Variants in TAB1 observed in about 807,000 individuals in gnomAD.
The protein encoded by TAB1 is TGF-beta activated kinase 1 (MAP3K7) binding protein 1, also known as TGF-beta-activated kinase 1 and MAP3K7-binding protein 1.
A neutral mutation model predicts 54.5 loss-of-function variants in TAB1; 30 were observed. The observed-to-expected ratio is 0.55, with a 90% CI of 0.41 to 0.75. The LOEUF (loss-of-function observed/expected upper bound fraction) is 0.75, where lower values mean the gene tolerates loss of function less well. Among genes scored for constraint, TAB1 ranks in the 30% least tolerant of loss-of-function variants. TAB1 has a pLI of 0.00. For missense variants in TAB1, 609 were observed against 683.2 expected (o/e 0.89, Z 1.21); for synonymous variants, 289 against 286.9 (o/e 1.01, Z -0.07).
chr22:39,413,444 C>G (rs1185551097), intron 1 of TAB1, among the ~76,000 whole-genome samples: 1 of 150,530 alleles, frequency 6.6e-6, no homozygotes, highest in Non-Finnish European at 1.5e-5. Context: ...GAGACAGAAT[C>G]TCACTCTTGT....
intron 10 of TAB1, chr22:39,429,526 G>A: frequency 2.7e-6 from 1 of 373,964 alleles, no homozygotes; most frequent in Non-Finnish European, 3.7e-6. Flanking sequence ...TGCCCAGGCT[G>A]GAGTGCAATG....
At chr22:39,422,270 G>C (rs1927125457) in intron 8 of TAB1, among the ~76,000 whole-genome samples, 1 of 152,122 alleles carries the variant, frequency 6.6e-6, no homozygotes, top group Non-Finnish European at 1.5e-5. Context: ...CCAGGAAGGG[G>C]CCAGGGCCAG....
At position 39,426,600 on chromosome 22, in the gene TAB1, C is replaced by T. The variant is rs983557627; in HGVS notation, c.922-103C>T. 5 of 1,028,680 alleles carry T rather than the reference C, an allele frequency of 4.9e-6. No homozygotes were observed. The African/African-American group carries it at 8.0e-5, about 17-fold the overall frequency. The allele number at this position is 1,028,680 out of a possible 1,614,324, so 63.7% of individuals were successfully genotyped here. A position where few individuals can be genotyped will look rare whatever the true frequency, so the allele number is the denominator to read the frequency against. On this transcript the variant is annotated intron_variant, in intron 8 of 10. Coordinates refer to ENST00000216160, the MANE Select transcript of TAB1 (RefSeq NM_006116.3). Reference sequence around the variant, plus strand: ...GCAGGCATTTCCTTCACCTGCTGGGCTGTTGACCACTGAATCTCCTGATTT... The same window carrying T: ...GCAGGCATTTCCTTCACCTGCTGGGTTGTTGACCACTGAATCTCCTGATTT...
rs1438098109 is a variant in TAB1, at chr22:39,415,360, T to C, written c.171-140T>C. 4 of 1,138,156 alleles carry C rather than the reference T, an allele frequency of 3.5e-6. No individual in the cohort carries two copies. Among genetic ancestry groups the C allele is most frequent in the Non-Finnish European group, 3.7e-6 (3 of 801,722 alleles). The allele number at this position is 1,138,156 out of a possible 1,614,324, so 70.5% of individuals were successfully genotyped here. ...GAATGTCATAGCCAGAGTGAAATGA[T>C]GGCTAAAGCAGGGGGACCCAGGAGG... On this transcript the variant is annotated intron_variant, in intron 2 of 10. Coordinates refer to ENST00000216160, the MANE Select transcript of TAB1 (RefSeq NM_006116.3). The surrounding 1 kb of genome is among the most constrained non-coding windows in gnomAD (Gnocchi z 4.9).
chr22:39,432,022 T>A, downstream of TAB1: 2 of 339,134 alleles, frequency 5.9e-6, no homozygotes, highest in Non-Finnish European at 8.4e-6. Flanking sequence ...CCAGGCCTTC[T>A]GGCTGCATTC....
intron 1 of TAB1, among the ~76,000 whole-genome samples, chr22:39,408,901 G>A (rs1463794409): frequency 6.6e-6 from 1 of 152,196 alleles, no homozygotes; most frequent in African/African-American, 2.4e-5. Context: ...TTTTTAGAAA[G>A]ATTCAAGTCC....
At chr22:39,436,851 T>C, downstream of TAB1, 2 of 422,420 alleles carry the variant, frequency 4.7e-6, no homozygotes, top group South Asian at 6.6e-5. Context: ...TCTTGGAACT[T>C]GGTCTGCAGT....
intron 1 of TAB1, among the ~76,000 whole-genome samples, chr22:39,412,892 CTTTTTTTTTT>C (rs34847488): frequency 1.1e-5 from 1 of 90,464 alleles, no homozygotes; most frequent in African/African-American, 4.4e-5. Context: ...TATCCTGCAA[CTTTTTTTTTT>C]TTTTTTTTTT....
At position 39,415,969 on chromosome 22, in the gene TAB1, C is replaced by T. The variant is rs1015109349; in HGVS notation, c.324+316C>T. ...AGAAATGGGGTCATTTAGAGCTACC[C>T]CTTTCTTTCCTATGTGGTCAGGTGC... On this transcript the variant is annotated intron_variant, in intron 3 of 10. Coordinates refer to ENST00000216160, the MANE Select transcript of TAB1 (RefSeq NM_006116.3). This position sits in a 1 kb window ranked among gnomAD's most constrained non-coding sequence, Gnocchi z 4.9. 8.5e-5 allele frequency among the ~76,000 whole-genome samples: 13 copies of T among 152,268 alleles called. No homozygotes were observed. Among genetic ancestry groups the T allele is most frequent in the Admixed American group, 8.5e-4 (13 of 15,292 alleles).
At chr22:39,414,117 T>G (rs564051948) in intron 1 of TAB1, among the ~76,000 whole-genome samples, 15 of 152,202 alleles carry the variant, frequency 9.9e-5, no homozygotes, top group Admixed American at 5.2e-4. Context: ...GATGCTGGAA[T>G]CAGGGTGCCG....
chr22:39,431,280 C>G lies in TAB1; in HGVS notation c.*1058C>G. 1.0e-6 allele frequency: 1 copy of G among 985,638 alleles called. No homozygotes were observed. The highest frequency in any genetic ancestry group is 1.2e-6 in the Non-Finnish European group (1 of 830,092). 61.1% of individuals were successfully genotyped at this position (985,638 alleles called of 1,614,324 possible). A position where few individuals can be genotyped will look rare whatever the true frequency, so the allele number is the denominator to read the frequency against. On this transcript the variant is annotated 3_prime_UTR_variant, in exon 11 of 11. Transcript: ENST00000216160. ...AGACTATTTCCCACATGTTCTCTGC[C>G]TTCAGTGGGGAGGGGGTGCCACCAG...
At chr22:39,404,098 G>A (rs1016069605) in intron 1 of TAB1, among the ~76,000 whole-genome samples, 1 of 152,210 alleles carries the variant, frequency 6.6e-6, no homozygotes, top group Non-Finnish European at 1.5e-5. Flanking sequence ...TTTGGAGGAA[G>A]AGCTCATGTG....
At chr22:39,428,576 G>A (rs1310680610) in intron 10 of TAB1, among the ~76,000 whole-genome samples, 3 of 152,174 alleles carry the variant, frequency 2.0e-5, no homozygotes, top group Non-Finnish European at 4.4e-5. Context: ...TAGCTTTGAA[G>A]TGAGTTCTCT....
chr22:39,417,666 G>T, intron 4 of TAB1, 45 bp from the exon 5 acceptor site: 1 of 1,521,554 alleles, frequency 6.6e-7, no homozygotes, highest in Non-Finnish European at 8.8e-7. Context: ...CTAGGAAGAT[G>T]GTCCAGAGTT....
intron 7 of TAB1, chr22:39,421,605 C>T: frequency 3.5e-6 from 2 of 571,868 alleles, no homozygotes; most frequent in Admixed American, 6.4e-5. Flanking sequence ...ATCCTGACCT[C>T]AGCTGCCTGC....
At position 39,415,226 on chromosome 22, in the gene TAB1, C is replaced by T. The variant is rs1321919527; in HGVS notation, c.170+84C>T. The T allele has an allele frequency of 4.7e-6, 7 of 1,481,754 alleles. No individual in the cohort carries two copies. Among genetic ancestry groups the T allele is most frequent in the Admixed American group, 2.1e-5 (1 of 46,570 alleles). The allele number at this position is 1,481,754 out of a possible 1,614,324, so 91.8% of individuals were successfully genotyped here. On this transcript the variant is annotated intron_variant, in intron 2 of 10. Transcript: ENST00000216160. The surrounding 1 kb of genome is among the most constrained non-coding windows in gnomAD (Gnocchi z 4.9). ...AAAGACACCGACCTTGCAGCTTTCT[C>T]GTATGGGCTTGCCAGTGACATGTGG...
chr22:39,417,428 G>T (rs1217063806), intron 4 of TAB1, among the ~76,000 whole-genome samples: 2 of 152,162 alleles, frequency 1.3e-5, no homozygotes, highest in Non-Finnish European at 2.9e-5. Flanking sequence ...AGACCATCCT[G>T]GCTAACATGG....
chr22:39,404,968 G>A (rs1350899159), intron 1 of TAB1, among the ~76,000 whole-genome samples: 1 of 152,314 alleles, frequency 6.6e-6, no homozygotes, highest in South Asian at 2.1e-4. Flanking sequence ...GGAGAGAAAG[G>A]TCTGCTGCTC....
At chr22:39,435,140 C>T (rs933051659), downstream of TAB1, among the ~76,000 whole-genome samples, 2 of 152,202 alleles carry the variant, frequency 1.3e-5, no homozygotes, top group African/African-American at 4.8e-5. Flanking sequence ...TAGGACCCCC[C>T]GAGTTTTGGG....
Sources: gnomAD v4.1 joint callset for allele counts (sites outside exome capture counted in the v4.1 genomes callset) on GRCh38, gnomAD v4.1.1 for gene constraint, Gnocchi (gnomAD v3.1) non-coding constraint, MANE v1.5 for transcripts, NCBI Gene and HGNC (gene_info 2026-07-23, HGNC 2026-07-21) for gene names.